Variants in ANO3 observed in about 807,000 individuals in gnomAD.
ANO3 encodes the protein anoctamin 3, also known as anoctamin-3.
ANO3 carries 99 observed loss-of-function variants against 144.8 expected under a neutral mutation model. The ratio of observed to expected loss-of-function variants is 0.68; its 90% CI spans 0.58 to 0.81. ANO3 has a LOEUF of 0.81. Ranked by LOEUF, ANO3 falls within the 30% of genes least tolerant of loss-of-function variation. The probability of loss-of-function intolerance (pLI) is 0.00; values close to 1 mark genes in which losing one functional copy is unlikely to be tolerated. For missense variants in ANO3, 905 were observed against 1,202.2 expected, an observed-to-expected ratio of 0.75 and a Z score of 3.66; for synonymous variants, 414 against 392.6, an observed-to-expected ratio of 1.05 and a Z score of -0.64.
chr11:26,378,165 T>G (rs1856466182), intron 1 of ANO3, among the ~76,000 whole-genome samples: 1 of 151,722 alleles, frequency 6.6e-6, no homozygotes, highest in African/African-American at 2.4e-5. Context: ...CAATAATGTA[T>G]AATATCTTGG....
At chr11:26,459,335 T>C (rs977019920) in intron 3 of ANO3, among the ~76,000 whole-genome samples, 1 of 152,026 alleles carries the variant, frequency 6.6e-6, no homozygotes, top group Non-Finnish European at 1.5e-5. Flanking sequence ...TATCATGTGG[T>C]AGGAGGAAAA....
chr11:26,446,396 T>C (rs1281367993), intron 3 of ANO3, among the ~76,000 whole-genome samples: 1 of 152,168 alleles, frequency 6.6e-6, no homozygotes, highest in Non-Finnish European at 1.5e-5. Flanking sequence ...TATTAATGGC[T>C]TTTTTACAGT....
intron 1 of ANO3, among the ~76,000 whole-genome samples, chr11:26,351,387 C>T (rs1015167500): frequency 6.6e-6 from 1 of 152,124 alleles, no homozygotes; most frequent in South Asian, 2.1e-4. Flanking sequence ...CTTGAAGATC[C>T]TGTCTATATT....
intron 17 of ANO3, among the ~76,000 whole-genome samples, chr11:26,602,077 A>C (rs1185221069): frequency 6.6e-6 from 1 of 152,180 alleles, no homozygotes; most frequent in Admixed American, 6.5e-5. Context: ...GTGGATCAGA[A>C]GACTTGAATG....
At chr11:26,547,691 T>C in intron 12 of ANO3, 141 bp downstream of exon 12, 1 of 789,554 alleles carries the variant, frequency 1.3e-6, no homozygotes, top group Non-Finnish European at 1.9e-6. Context: ...TTTTTGGCTT[T>C]TGTTTTTGGT....
chr11:26,557,460 C>CAAA, intron 13 of ANO3, among the ~76,000 whole-genome samples: 1 of 108,694 alleles, frequency 9.2e-6, no homozygotes, highest in South Asian at 2.9e-4. Context: ...GACTCTGTCT[C>CAAA]AAAAAAAAAA....
Position 26,662,434 on chromosome 11 carries a change from A to G in ANO3, c.*1990A>G, listed in dbSNP as rs1243878976. On this transcript the variant is annotated 3_prime_UTR_variant, in exon 27 of 27. Coordinates refer to ENST00000256737, the MANE Select transcript of ANO3 (RefSeq NM_031418.4). Reference sequence around the variant, plus strand: ...CTTTTTCTTTGTTAGGTACATGTATACACCTGCCTGAGTATAAATACTCTC... The same window carrying G: ...CTTTTTCTTTGTTAGGTACATGTATGCACCTGCCTGAGTATAAATACTCTC... The G allele has an allele frequency of 6.6e-6, 1 of 151,908 alleles. No homozygotes were observed. Among genetic ancestry groups the G allele is most frequent in the African/African-American group, 2.4e-5 (1 of 41,382 alleles). The allele number at this position is 151,908 out of a possible 1,614,324, so 9.4% of individuals were successfully genotyped here. A position where few individuals can be genotyped will look rare whatever the true frequency, so the allele number is the denominator to read the frequency against.
chr11:26,546,021 A>G (rs1031645888), intron 11 of ANO3, among the ~76,000 whole-genome samples: 4 of 151,906 alleles, frequency 2.6e-5, no homozygotes, highest in Non-Finnish European at 5.9e-5. Context: ...CATTATCTAT[A>G]TCATACTGAT....
At chr11:26,452,920 A>T (rs1323675367) in intron 3 of ANO3, among the ~76,000 whole-genome samples, 1 of 152,240 alleles carries the variant, frequency 6.6e-6, no homozygotes, top group Non-Finnish European at 1.5e-5. Flanking sequence ...GTGGGGCCCA[A>T]TATTCAACAT....
In ANO3 at chr11:26,547,619, T is replaced by C. The variant is rs1849821028; in HGVS notation, c.1289+69T>C. ...TGAATGGGCAAAAGTTTAATGATAA[T>C]GCTGACTATAAAAAATCAAATGGTT... On this transcript the variant is annotated intron_variant, in intron 12 of 26. Coordinates refer to ENST00000256737, the MANE Select transcript of ANO3 (RefSeq NM_031418.4). 5 of 1,376,172 alleles carry C rather than the reference T, an allele frequency of 3.6e-6. No homozygotes were observed. In the African/African-American group the frequency reaches 5.8e-5, roughly 16 times the overall value. The allele number at this position is 1,376,172 out of a possible 1,614,324, so 85.2% of individuals were successfully genotyped here.
At chr11:26,367,475 C>A (rs1856125046) in intron 1 of ANO3, among the ~76,000 whole-genome samples, 1 of 152,068 alleles carries the variant, frequency 6.6e-6, no homozygotes. Flanking sequence ...TATTTAATCA[C>A]CCTCCGAGAA....
chr11:26,610,617 C>T (rs564533336), intron 17 of ANO3, among the ~76,000 whole-genome samples: 8 of 152,254 alleles, frequency 5.3e-5, no homozygotes, highest in African/African-American at 1.9e-4. Flanking sequence ...AGTCATACAG[C>T]ATTTCCCCTA....
At chr11:26,656,281 TAAACTGTTATTTTGG>T in intron 25 of ANO3, 76 bp downstream of exon 25, 1 of 1,487,258 alleles carries the variant, frequency 6.7e-7, no homozygotes, top group Non-Finnish European at 9.4e-7. Context: ...TGAGGACATT[TAAACTGTTATTTTGG>T]CATTTTGGCA....
chr11:26,293,482 T>C (rs189705377), intron 1 of ANO3, among the ~76,000 whole-genome samples: 255 of 146,226 alleles, frequency 1.7e-3, no homozygotes, highest in African/African-American at 5.1e-3. Flanking sequence ...TCTGGAAATT[T>C]TGATGCTCAA....
Position 26,236,633 on chromosome 11 carries a change from A to G in ANO3, c.154+47303A>G, listed in dbSNP as rs1411333082. ...GGAGACCAAGACCATCCTGGCTAAC[A>G]CAGTGAAACCCTGTCTCTACTAAAA... On this transcript the variant is annotated intron_variant, in intron 1 of 27. Coordinates refer to the ANO3 transcript ENST00000672621. Among the ~76,000 whole-genome samples, 3 of 151,810 alleles carry G rather than the reference A, an allele frequency of 2.0e-5. No individual in the cohort carries two copies. In the South Asian group the frequency reaches 6.2e-4, roughly 32 times the overall value.
intron 1 of ANO3, among the ~76,000 whole-genome samples, chr11:26,292,049 T>C (rs1853970674): frequency 6.6e-6 from 1 of 152,196 alleles, no homozygotes; most frequent in Non-Finnish European, 1.5e-5. Flanking sequence ...GGTACACCAA[T>C]CAAACATGGA....
At chr11:26,292,117 C>A (rs938751175) in intron 1 of ANO3, among the ~76,000 whole-genome samples, 1 of 152,042 alleles carries the variant, frequency 6.6e-6, no homozygotes, top group Non-Finnish European at 1.5e-5. Flanking sequence ...TCTTTTTATT[C>A]TTTTTTCTCT....
At chr11:26,503,983 T>C (rs1350921150) in intron 4 of ANO3, among the ~76,000 whole-genome samples, 1 of 152,230 alleles carries the variant, frequency 6.6e-6, no homozygotes, top group South Asian at 2.1e-4. Context: ...GGATTAAATA[T>C]GTTACCAATG....
chr11:26,268,568 T>C (rs1453593275), intron 1 of ANO3, among the ~76,000 whole-genome samples: 1 of 152,008 alleles, frequency 6.6e-6, no homozygotes, highest in Non-Finnish European at 1.5e-5. Context: ...AAGCCAAAGG[T>C]GTCAGCTTTG....
Sources: allele counts gnomAD v4.1 joint callset (sites outside exome capture counted in the v4.1 genomes callset), GRCh38; gene constraint gnomAD v4.1.1; transcripts MANE v1.5; gene names NCBI Gene and HGNC (gene_info 2026-07-23, HGNC 2026-07-21).